The following NAV1 variants were observed in gnomAD, a reference collection of about 807,000 sequenced individuals.
The protein encoded by NAV1 is pore membrane and/or filament interacting like protein 3.
A neutral mutation model predicts 175.2 loss-of-function variants in NAV1; 18 were observed. The ratio of observed to expected loss-of-function variants is 0.10; its 90% CI spans 0.07 to 0.15. The LOEUF is 0.15. NAV1 is among the 10% of genes least tolerant of loss of function. The probability of loss-of-function intolerance (pLI) is 1.00; values close to 1 mark genes in which losing one functional copy is unlikely to be tolerated. For synonymous variants in NAV1, 897 were observed against 978.7 expected, an observed-to-expected ratio of 0.92 and a Z score of 1.56; for missense variants, 1,731 against 2,436.6, an observed-to-expected ratio of 0.71 and a Z score of 6.10.
At chr1:201,609,914 A>G (rs1002105658) in intron 2 of NAV1, among the ~76,000 whole-genome samples, 4 of 152,194 alleles carry the variant, frequency 2.6e-5, no homozygotes, top group Non-Finnish European at 5.9e-5. Context: ...TCTTCAGGGC[A>G]CTTCCCCAAT....
rs1317834673 is a variant in NAV1, at chr1:201,588,415, A to G, written c.-143-124A>G. On this transcript the variant is annotated intron_variant, in intron 1 of 33. Coordinates refer to the NAV1 transcript ENST00000685211. Reference sequence around the variant, plus strand: ...CAGGCTGGAGTGCAGTGACACAATCATAGCTCACTGCAGCCTCAAACTCCT... The same window carrying G: ...CAGGCTGGAGTGCAGTGACACAATCGTAGCTCACTGCAGCCTCAAACTCCT... Among the ~76,000 whole-genome samples, 3 of 151,632 alleles carry G rather than the reference A, an allele frequency of 2.0e-5. No individual in the cohort carries two copies. In the East Asian group the frequency reaches 5.8e-4, roughly 30 times the overall value.
At chr1:201,546,502 G>A (rs1232335175) in intron 1 of NAV1, among the ~76,000 whole-genome samples, 2 of 152,146 alleles carry the variant, frequency 1.3e-5, no homozygotes, top group African/African-American at 4.8e-5. Flanking sequence ...AAGTAGAGAA[G>A]GTGAAAGACT....
rs145572940 is a variant in NAV1, at chr1:201,729,708, C to A, written c.1226+10953C>A. ...GATCATGAGGTCAGGAGATCGAGAC[C>A]ATCCTGGCTAACACGGTGAAACCCC... is the stretch of plus-strand genomic sequence containing the variant. On this transcript the variant is annotated intron_variant, in intron 3 of 29. Coordinates refer to ENST00000367296, the Ensembl canonical transcript of NAV1. Among the ~76,000 whole-genome samples, 595 of 152,146 alleles carry A rather than the reference C, an allele frequency of 3.9e-3. 3 individuals are homozygous for A. The highest frequency in any genetic ancestry group is 0.013 in the African/African-American group (558 of 41,522).
chr1:201,624,321 G>A lies in NAV1; in HGVS notation c.-101+715G>A, dbSNP rs1420207395. Among the ~76,000 whole-genome samples the A allele has an allele frequency of 2.7e-5, 4 of 145,680 alleles. No homozygotes were observed. The Admixed American group carries it at 2.8e-4, about 10-fold the overall frequency. On this transcript the variant is annotated intron_variant, in intron 1 of 29. Transcript: ENST00000367302. ...AAGTTGATTGCATAGAAAAACAAAC[G>A]CTTAGTCAACTACGCTTTTTTTTTT...
intron 3 of NAV1, among the ~76,000 whole-genome samples, chr1:201,774,720 C>CG (rs2102685231): frequency 6.6e-6 from 1 of 152,316 alleles, no homozygotes; most frequent in African/African-American, 2.4e-5. Flanking sequence ...TACTCAAAGG[C>CG]TACCCATCAG....
chr1:201,602,981 G>C (rs1295396224), intron 2 of NAV1, among the ~76,000 whole-genome samples: 1 of 152,178 alleles, frequency 6.6e-6, no homozygotes, highest in African/African-American at 2.4e-5. Flanking sequence ...TACTGGGGGC[G>C]AGAGCTCGGG....
intron 1 of NAV1, among the ~76,000 whole-genome samples, chr1:201,699,665 G>A (rs1295544926): frequency 6.6e-6 from 1 of 152,172 alleles, no homozygotes; most frequent in Non-Finnish European, 1.5e-5. Context: ...AAAGCTGGAG[G>A]CATCATGCTA....
At chr1:201,800,606 C>G (rs987644375) in intron 15 of NAV1, among the ~76,000 whole-genome samples, 1 of 152,142 alleles carries the variant, frequency 6.6e-6, no homozygotes, top group African/African-American at 2.4e-5. Context: ...TTTCCTACCA[C>G]TGAGATAAAC....
chr1:201,763,729 G>A (rs1044985848), intron 3 of NAV1, among the ~76,000 whole-genome samples: 1 of 152,188 alleles, frequency 6.6e-6, no homozygotes, highest in African/African-American at 2.4e-5. Flanking sequence ...AGTCTCTCAT[G>A]TCTTTCCTTC....
chr1:201,720,267 A>T (rs890431068), intron 3 of NAV1, among the ~76,000 whole-genome samples: 9 of 152,204 alleles, frequency 5.9e-5, no homozygotes, highest in Admixed American at 1.3e-4. Context: ...TGAGAATCCC[A>T]GGAGGGTGCA....
intron 1 of NAV1, among the ~76,000 whole-genome samples, chr1:201,557,465 A>G (rs553579997): frequency 6.6e-6 from 1 of 152,142 alleles, no homozygotes; most frequent in Admixed American, 6.5e-5. Context: ...CCATGGGGAG[A>G]TCACTTACAA....
chr1:201,572,771 C>T (rs6660954), intron 1 of NAV1, among the ~76,000 whole-genome samples: 19,970 of 152,210 alleles, frequency 0.13, 1,343 homozygotes, highest in Admixed American at 0.15. Context: ...AAGGAGGCAG[C>T]TAAGTGGCCT....
At chr1:201,583,257 G>A (rs769592428) in intron 1 of NAV1, among the ~76,000 whole-genome samples, 3 of 152,264 alleles carry the variant, frequency 2.0e-5, no homozygotes, top group Non-Finnish European at 4.4e-5. Flanking sequence ...AGCCCTGATC[G>A]CTGTGCTTGT....
rs1183413992 is a variant in NAV1, at chr1:201,704,720, CAT to C, written c.758-8096_758-8095del. 2.0e-5 allele frequency among the ~76,000 whole-genome samples: 3 copies of C among 152,350 alleles called. No individual in the cohort carries two copies. The East Asian group carries it at 5.8e-4, about 29-fold the overall frequency. On this transcript the variant is annotated intron_variant, in intron 1 of 29. Transcript: ENST00000367296. ...GTGGGGGTTTGCAAAGATGAGGCCC[CAT>C]CTCCATCCTGTTGAATCAGAAGCTC...
chr1:201,715,772 C>T (rs1672116589), intron 2 of NAV1, among the ~76,000 whole-genome samples: 1 of 152,196 alleles, frequency 6.6e-6, no homozygotes, highest in Non-Finnish European at 1.5e-5. Context: ...TAACTGGATT[C>T]CATTCCTTTT....
intron 2 of NAV1, among the ~76,000 whole-genome samples, chr1:201,594,802 C>G (rs1489461508): frequency 1.3e-5 from 2 of 152,188 alleles, no homozygotes; most frequent in African/African-American, 4.8e-5. Context: ...GAAACTGGGG[C>G]TCTGGGAGCT....
Position 201,718,281 on chromosome 1 carries a change from G to A in NAV1, c.861-109G>A, listed in dbSNP as rs1383609470. Reference sequence around the variant, plus strand: ...TGGAGCTTGGGCAGGTGGGGAGGAGGTGACAGGGCCTGTGGGTGGAGGGGA... The same window carrying A: ...TGGAGCTTGGGCAGGTGGGGAGGAGATGACAGGGCCTGTGGGTGGAGGGGA... On this transcript the variant is annotated intron_variant, in intron 2 of 29. Transcript: ENST00000367296. The surrounding 1 kb of genome is among the most constrained non-coding windows in gnomAD (Gnocchi z 4.8). The A allele has an allele frequency of 8.0e-7, 1 of 1,251,200 alleles. No homozygotes were observed. Among genetic ancestry groups the A allele is most frequent in the Non-Finnish European group, 1.1e-6 (1 of 948,390 alleles). 77.5% of individuals were successfully genotyped at this position (1,251,200 alleles called of 1,614,324 possible).
At chr1:201,816,649 G>A (rs116034220) in intron 28 of NAV1, among the ~76,000 whole-genome samples, 188 of 149,746 alleles carry the variant, frequency 1.3e-3, no homozygotes, top group African/African-American at 4.4e-3. Flanking sequence ...TCAGAGCCTC[G>A]AGGATTTACA....
intron 1 of NAV1, among the ~76,000 whole-genome samples, chr1:201,711,556 C>T (rs950287829): frequency 3.9e-5 from 6 of 152,152 alleles, no homozygotes; most frequent in Admixed American, 3.3e-4. Flanking sequence ...ACTGAGGGGG[C>T]GTTTGGCCTC....
Sources: allele counts gnomAD v4.1 joint callset (sites outside exome capture counted in the v4.1 genomes callset), GRCh38; gene constraint gnomAD v4.1.1; non-coding constraint Gnocchi (gnomAD v3.1); transcripts MANE v1.5; gene names NCBI Gene and HGNC (gene_info 2026-07-23, HGNC 2026-07-21).